Variants in RALYL observed in about 807,000 individuals in gnomAD.
The protein encoded by RALYL is RNA-binding Raly-like protein.
In RALYL, 29 loss-of-function variants were observed where a neutral mutation model predicts 35.1. The observed-to-expected ratio is 0.83, with a 90% CI of 0.61 to 1.13. The LOEUF is 1.13. Ranked by LOEUF, RALYL falls within the 50% of genes most tolerant of loss-of-function variation. The pLI, the probability that RALYL is intolerant of heterozygous loss-of-function variation, is 0.00. For missense variants in RALYL, 359 were observed against 360.4 expected (o/e 1.00, Z 0.03); for synonymous variants, 120 against 127.6 (o/e 0.94, Z 0.40).
chr8:84,735,974 CAT>C (rs780554537), intron 2 of RALYL, among the ~76,000 whole-genome samples: 1 of 151,984 alleles, frequency 6.6e-6, no homozygotes, highest in Non-Finnish European at 1.5e-5. Context: ...AAGTCAAACA[CAT>C]GTGATTATGA....
intron 1 of RALYL, among the ~76,000 whole-genome samples, chr8:84,447,994 GGAGA>G (rs991905089): frequency 1.3e-5 from 2 of 151,278 alleles, no homozygotes; most frequent in Non-Finnish European, 3.0e-5. Flanking sequence ...GCGAGAGTGA[GGAGA>G]GAGAGAGAGA....
chr8:84,639,201 G>C (rs937935317), intron 2 of RALYL, among the ~76,000 whole-genome samples: 3 of 151,532 alleles, frequency 2.0e-5, no homozygotes, highest in African/African-American at 7.3e-5. Flanking sequence ...TGTGCAATAA[G>C]GGGCTGTGGG....
intron 1 of RALYL, among the ~76,000 whole-genome samples, chr8:84,298,046 C>G (rs1421351835): frequency 1.3e-5 from 2 of 151,990 alleles, no homozygotes; most frequent in Admixed American, 1.3e-4. Flanking sequence ...TTATTAGGTC[C>G]TATTTGTTGA....
intron 1 of RALYL, among the ~76,000 whole-genome samples, chr8:84,385,958 A>G (rs1022632289): frequency 2.0e-5 from 3 of 151,844 alleles, no homozygotes; most frequent in African/African-American, 7.2e-5. Flanking sequence ...CTGCCTGTCA[A>G]GGTGGCTTTA....
chr8:84,503,171 A>G (rs1564048157), intron 1 of RALYL, among the ~76,000 whole-genome samples: 2 of 152,034 alleles, frequency 1.3e-5, no homozygotes, highest in African/African-American at 4.8e-5. Context: ...TTTTAGAGAC[A>G]GGATCTAGCT....
intron 2 of RALYL, among the ~76,000 whole-genome samples, chr8:84,684,548 G>T (rs1469797328): frequency 2.6e-5 from 4 of 152,172 alleles, no homozygotes; most frequent in African/African-American, 9.6e-5. Context: ...CCTAAGCAAT[G>T]AATTTGTGTG....
intron 1 of RALYL, among the ~76,000 whole-genome samples, chr8:84,217,934 C>T (rs530843335): frequency 2.0e-5 from 3 of 152,158 alleles, no homozygotes; most frequent in East Asian, 3.9e-4. Context: ...TATTATCAAG[C>T]TCATTAACAT....
At chr8:84,616,805 C>G (rs1819811925) in intron 2 of RALYL, among the ~76,000 whole-genome samples, 1 of 151,868 alleles carries the variant, frequency 6.6e-6, no homozygotes. Flanking sequence ...CAGCTTTCTA[C>G]ATATGCCTAG....
chr8:84,315,606 A>C (rs1237237699), intron 1 of RALYL, among the ~76,000 whole-genome samples: 2 of 152,126 alleles, frequency 1.3e-5, no homozygotes, highest in Non-Finnish European at 2.9e-5. Context: ...AGCATCCAAC[A>C]TCTATCAAAA....
At position 84,198,173 on chromosome 8, in the gene RALYL, A is replaced by G. The variant is rs78797452; in HGVS notation, c.-24+13749A>G. On this transcript the variant is annotated intron_variant, in intron 1 of 8. Coordinates refer to ENST00000521268, the MANE Select transcript of RALYL (RefSeq NM_173848.7). ...AATTATCTCTAAAAATGTGAAAAGG[A>G]AAACATAATTTCTCCAGCATGAAGG... Among the ~76,000 whole-genome samples, 271 of 152,314 alleles carry G rather than the reference A, an allele frequency of 1.8e-3. 1 individual carries two copies. The highest frequency in any genetic ancestry group is 0.013 in the East Asian group (68 of 5,178).
intron 8 of RALYL, among the ~76,000 whole-genome samples, chr8:84,903,050 T>A (rs1426224796): frequency 6.6e-6 from 1 of 151,872 alleles, no homozygotes; most frequent in Non-Finnish European, 1.5e-5. Context: ...GAGACTCTTA[T>A]TTTTTTTAAC....
At chr8:84,718,935 A>G (rs1232129393) in intron 2 of RALYL, among the ~76,000 whole-genome samples, 2 of 151,928 alleles carry the variant, frequency 1.3e-5, no homozygotes, top group African/African-American at 4.8e-5. Flanking sequence ...TGTTCTCTGA[A>G]GCACTCTTTC....
At chr8:84,445,312 G>A (rs929746291) in intron 1 of RALYL, among the ~76,000 whole-genome samples, 4 of 151,930 alleles carry the variant, frequency 2.6e-5, no homozygotes, top group South Asian at 2.1e-4. Context: ...ATTACAGGAA[G>A]TTACATGACT....
chr8:84,426,438 CTG>C (rs71271987), intron 1 of RALYL, among the ~76,000 whole-genome samples: 3,410 of 136,040 alleles, frequency 0.025, 89 homozygotes, highest in African/African-American at 0.073. Flanking sequence ...CTCTCTCTCT[CTG>C]TGTGTGTGTG....
intron 2 of RALYL, among the ~76,000 whole-genome samples, chr8:84,736,504 A>G (rs1847339780): frequency 6.6e-6 from 1 of 152,072 alleles, no homozygotes; most frequent in Non-Finnish European, 1.5e-5. Context: ...CTACACATGC[A>G]AAATATGTAA....
At chr8:84,801,331 T>A (rs1823205295) in intron 3 of RALYL, among the ~76,000 whole-genome samples, 1 of 152,196 alleles carries the variant, frequency 6.6e-6, no homozygotes, top group African/African-American at 2.4e-5. Context: ...GCTCAGTTCA[T>A]GAACCATCGG....
At chr8:84,719,459 C>T (rs913267015) in intron 2 of RALYL, among the ~76,000 whole-genome samples, 7 of 152,044 alleles carry the variant, frequency 4.6e-5, no homozygotes, top group African/African-American at 1.7e-4. Flanking sequence ...TACTGACAAC[C>T]CTAATTTCCT....
At chr8:84,524,604 G>T (rs569844475) in intron 1 of RALYL, among the ~76,000 whole-genome samples, 1 of 152,180 alleles carries the variant, frequency 6.6e-6, no homozygotes, top group South Asian at 2.1e-4. Flanking sequence ...TGGTGATTTT[G>T]TCTGCTCCAA....
At chr8:84,866,120 C>T (rs948587081) in intron 6 of RALYL, among the ~76,000 whole-genome samples, 4 of 151,974 alleles carry the variant, frequency 2.6e-5, no homozygotes, top group Admixed American at 6.6e-5. Flanking sequence ...TACTATTGGC[C>T]GGAAAGGTTA....
Sources: allele counts gnomAD v4.1 joint callset (sites outside exome capture counted in the v4.1 genomes callset), GRCh38; gene constraint gnomAD v4.1.1; transcripts MANE v1.5; gene names NCBI Gene and HGNC (gene_info 2026-07-23, HGNC 2026-07-21).